Variants in TEX14 observed in about 807,000 individuals in gnomAD.
TEX14 encodes testis expressed 14, intercellular bridge forming factor, also known as inactive serine/threonine-protein kinase TEX14.
TEX14 carries 168 observed loss-of-function variants against 178.6 expected under a neutral mutation model. That is an observed-to-expected ratio of 0.94 (90% CI 0.83 to 1.07). The LOEUF (loss-of-function observed/expected upper bound fraction) is 1.07, where lower values mean the gene tolerates loss of function less well. TEX14 is among the 50% of genes least tolerant of loss of function. The pLI is 0.00. For missense variants in TEX14, 1,730 were observed against 1,753.6 expected (o/e 0.99, Z 0.24); for synonymous variants, 626 against 634.1 (o/e 0.99, Z 0.19).
chr17:58,589,623 G>A (rs2045074701), intron 15 of TEX14, among the ~76,000 whole-genome samples: 1 of 144,918 alleles, frequency 6.9e-6, no homozygotes, highest in Admixed American at 7.2e-5. Flanking sequence ...TATCTAGAAT[G>A]CCCTACTCTC....
intron 1 of TEX14, among the ~76,000 whole-genome samples, chr17:58,662,882 G>T (rs2047141106): frequency 6.6e-6 from 1 of 151,676 alleles, no homozygotes; most frequent in African/African-American, 2.4e-5. Context: ...CACTTTGGAA[G>T]GCTGAGACGG....
intron 2 of TEX14, among the ~76,000 whole-genome samples, chr17:58,645,492 G>A (rs550489014): frequency 8.5e-4 from 130 of 152,174 alleles, no homozygotes; most frequent in African/African-American, 3.0e-3. Context: ...CCGAGTAGCT[G>A]GGACTATAGG....
At chr17:58,643,717 CA>C (rs1302511975) in intron 2 of TEX14, among the ~76,000 whole-genome samples, 5 of 151,252 alleles carry the variant, frequency 3.3e-5, no homozygotes, top group Non-Finnish European at 5.9e-5. Flanking sequence ...TAAAAAAACA[CA>C]AAAATTAGCC....
chr17:58,682,360 C>T (rs747949089), intron 1 of TEX14, among the ~76,000 whole-genome samples: 4 of 151,876 alleles, frequency 2.6e-5, no homozygotes, highest in East Asian at 3.9e-4. Context: ...CAGGTTCAAG[C>T]GGTTCTCCTG....
In TEX14 at chr17:58,599,265, C is replaced by T. The variant is rs115298612; in HGVS notation, c.2080G>A (p.Asp694Asn). Residue 694 changes from aspartate to asparagine, a missense_variant, in exon 14 of 32, where the codon GAC becomes AAC. By Grantham distance (23) the Asp-to-Asn change is conservative. Transcript: ENST00000349033. ...GAACTGAGTGAACCGTTTTGCCAGT[C>T]CCAGTCATCAAAAGAGTACTCTGTC... ...AETEYSFDDW[D>N]WQNGSLSSLS... The T allele has an allele frequency of 1.2e-6, 2 of 1,613,596 alleles. No homozygotes were observed. Among genetic ancestry groups the T allele is most frequent in the African/African-American group, 2.7e-5 (2 of 75,026 alleles).
chr17:58,655,027 C>T (rs1326242504), intron 1 of TEX14, among the ~76,000 whole-genome samples: 1 of 145,248 alleles, frequency 6.9e-6, no homozygotes, highest in Non-Finnish European at 1.5e-5. Flanking sequence ...AAATAAACTC[C>T]CTTCTTTTTT....
At position 58,622,858 on chromosome 17, in the gene TEX14, G is replaced by A. The variant is rs201785257; in HGVS notation, c.406C>T (p.Arg136Cys). The A allele has an allele frequency of 7.9e-4, 1,272 of 1,609,014 alleles. 21 individuals are homozygous for A. The South Asian group carries it at 0.013, about 17-fold the overall frequency. Reference sequence around the variant, plus strand: ...GGACCCACCCTTACCTGGGTGCTACGCTCCTTTCCTGCTGTCAAAGCCCAA... The same window carrying A: ...GGACCCACCCTTACCTGGGTGCTACACTCCTTTCCTGCTGTCAAAGCCCAA... The part of the protein sequence containing the change: ...KTWALTAGKE[R>C]STQIVEFMQR... Residue 136 changes from arginine to cysteine, a missense_variant, in exon 4 of 32, where the codon CGT (arginine) becomes TGT (cysteine). By Grantham distance (180) the Arg-to-Cys change is radical. Transcript: ENST00000349033.
At chr17:58,685,116 G>A (rs1483017647) in intron 1 of TEX14, among the ~76,000 whole-genome samples, 2 of 152,230 alleles carry the variant, frequency 1.3e-5, no homozygotes, top group East Asian at 3.9e-4. Flanking sequence ...TTCTAAACAT[G>A]TTACCAAAGT....
intron 4 of TEX14, 128 bp downstream of exon 4, chr17:58,622,719 C>T (rs995402058): frequency 6.4e-6 from 6 of 940,142 alleles, no homozygotes; most frequent in African/African-American, 3.3e-5. Flanking sequence ...TAATTTGCTT[C>T]GATCCAAGCC....
intron 1 of TEX14, among the ~76,000 whole-genome samples, chr17:58,654,569 C>T (rs1277867491): frequency 6.7e-6 from 1 of 148,594 alleles, no homozygotes; most frequent in Non-Finnish European, 1.5e-5. Flanking sequence ...TGTAGTGGCA[C>T]GATCTCAGCT....
chr17:58,690,375 A>G (rs1283083191), intron 1 of TEX14, among the ~76,000 whole-genome samples: 1 of 152,164 alleles, frequency 6.6e-6, no homozygotes, highest in Admixed American at 6.6e-5. Flanking sequence ...CCTGTTGCCC[A>G]GGCTGGTCTC....
At chr17:58,627,492 C>T (rs1463823878) in intron 3 of TEX14, among the ~76,000 whole-genome samples, 2 of 151,970 alleles carry the variant, frequency 1.3e-5, no homozygotes, top group Non-Finnish European at 2.9e-5. Flanking sequence ...GGGAAATGGC[C>T]GGGCATGGTG....
intron 14 of TEX14, among the ~76,000 whole-genome samples, chr17:58,595,353 A>C (rs1203362950): frequency 6.6e-6 from 1 of 152,122 alleles, no homozygotes; most frequent in Non-Finnish European, 1.5e-5. Context: ...GTACTAGTAG[A>C]TTGTTTCCAG....
intron 2 of TEX14, among the ~76,000 whole-genome samples, chr17:58,645,644 C>T (rs1287650640): frequency 6.6e-6 from 1 of 152,216 alleles, no homozygotes. Context: ...AGGCATGAGC[C>T]ACCTGCCCGG....
chr17:58,644,805 C>G (rs2046662597), intron 2 of TEX14, among the ~76,000 whole-genome samples: 1 of 150,690 alleles, frequency 6.6e-6, no homozygotes, highest in Non-Finnish European at 1.5e-5. Flanking sequence ...CGCCCGCCAC[C>G]ACGCCTGGCT....
intron 1 of TEX14, among the ~76,000 whole-genome samples, chr17:58,667,613 A>G (rs2047234995): frequency 6.6e-6 from 1 of 152,202 alleles, no homozygotes; most frequent in South Asian, 2.1e-4. Context: ...GGCCGGGTGC[A>G]GTGGCTCACG....
intron 1 of TEX14, among the ~76,000 whole-genome samples, chr17:58,659,832 G>T (rs900875925): frequency 2.6e-5 from 4 of 151,842 alleles, no homozygotes; most frequent in African/African-American, 9.7e-5. Flanking sequence ...GAGTAGCTGG[G>T]ATTACAAGCG....
At chr17:58,590,358 A>G (rs2045100966) in intron 15 of TEX14, among the ~76,000 whole-genome samples, 2 of 152,050 alleles carry the variant, frequency 1.3e-5, no homozygotes, top group Non-Finnish European at 2.9e-5. Context: ...AGGGGAAAAG[A>G]ATCCTTAAAA....
chr17:58,603,620 T>G (rs570553940), intron 11 of TEX14, among the ~76,000 whole-genome samples: 1 of 148,408 alleles, frequency 6.7e-6, no homozygotes, highest in South Asian at 2.2e-4. Context: ...TTTAGGAGGC[T>G]GAGGTGGGCG....
Sources: gnomAD v4.1 joint callset for allele counts (sites outside exome capture counted in the v4.1 genomes callset) on GRCh38, gnomAD v4.1.1 for gene constraint, MANE v1.5 for transcripts, NCBI Gene and HGNC (gene_info 2026-07-23, HGNC 2026-07-21) for gene names.